The following MROH9 variants were observed in gnomAD, a reference collection of about 807,000 sequenced individuals.
MROH9 encodes the protein maestro heat like repeat family member 9, also known as maestro heat-like repeat-containing protein family member 9.
A neutral mutation model predicts 98.2 loss-of-function variants in MROH9; 92 were observed. That is an observed-to-expected ratio of 0.94 (90% CI 0.79 to 1.11). The LOEUF (loss-of-function observed/expected upper bound fraction) is 1.11. Among genes scored for constraint, MROH9 ranks in the 50% most tolerant of loss-of-function variants. The pLI is 0.00. For missense variants in MROH9, 1,057 were observed against 1,014.8 expected (o/e 1.04, Z -0.57); for synonymous variants, 397 against 368.9 (o/e 1.08, Z -0.87).
At chr1:171,052,640 C>T (rs1265612373) in intron 20 of MROH9, among the ~76,000 whole-genome samples, 2 of 152,116 alleles carry the variant, frequency 1.3e-5, no homozygotes, top group East Asian at 3.9e-4. Context: ...AAATGTGCCC[C>T]AGAAAGGAGC....
rs184989061 is a variant in MROH9 at position 171,028,441 on chromosome 1, A to G, written c.2281+3021A>G. Among the ~76,000 whole-genome samples, 5 of 152,286 alleles carry G rather than the reference A, an allele frequency of 3.3e-5. No individual in the cohort carries two copies. In the East Asian group the frequency reaches 7.7e-4, roughly 23 times the overall value. On this transcript the variant is annotated intron_variant, in intron 20 of 21. Transcript: ENST00000367759. ...TTTGATTACTGTAGCCTTGTGGTAT[A>G]GTTTGAAGCCAGGCACCACAATGCC...
chr1:171,005,827 C>G (rs971675452), intron 15 of MROH9, among the ~76,000 whole-genome samples: 2 of 152,168 alleles, frequency 1.3e-5, no homozygotes, highest in South Asian at 4.1e-4. Context: ...CACTTTTTCT[C>G]CTTACCTGCT....
intron 3 of MROH9, among the ~76,000 whole-genome samples, chr1:170,955,689 G>A (rs1649732190): frequency 6.6e-6 from 1 of 151,962 alleles, no homozygotes. Flanking sequence ...TGATTTGTTT[G>A]AATTTGTTGT....
chr1:170,949,335 T>C (rs890401547), intron 3 of MROH9, among the ~76,000 whole-genome samples: 4 of 151,902 alleles, frequency 2.6e-5, no homozygotes, highest in East Asian at 1.9e-4. Context: ...GCAGCATCCA[T>C]CTAAGACAAA....
intron 3 of MROH9, 42 bp downstream of exon 3, chr1:170,947,615 C>A (rs963733157): frequency 1.3e-6 from 2 of 1,539,266 alleles, no homozygotes; most frequent in Non-Finnish European, 1.8e-6. Context: ...ACTGAATTCT[C>A]TTGGAAAAAA....
At chr1:170,970,104 C>T (rs718345) in intron 7 of MROH9, among the ~76,000 whole-genome samples, 11,658 of 152,162 alleles carry the variant, frequency 0.077, 479 homozygotes, top group Middle Eastern at 0.14. Context: ...TCCTAACTGG[C>T]AAACAGAACA....
At chr1:171,003,635 CAGTGGAGGT>C (rs1571494792) in intron 15 of MROH9, among the ~76,000 whole-genome samples, 1 of 152,122 alleles carries the variant, frequency 6.6e-6, no homozygotes, top group East Asian at 1.9e-4. Flanking sequence ...GTGCCTATTC[CAGTGGAGGT>C]GGTGGAGGGT....
chr1:171,049,740 A>G (rs1653604383), intron 20 of MROH9, among the ~76,000 whole-genome samples: 1 of 151,308 alleles, frequency 6.6e-6, no homozygotes, highest in South Asian at 2.1e-4. Context: ...GCTGGAGGGC[A>G]GTGTGAACAC....
At chr1:170,941,609 T>C (rs868695368) in intron 1 of MROH9, among the ~76,000 whole-genome samples, 49 of 152,184 alleles carry the variant, frequency 3.2e-4, no homozygotes, top group African/African-American at 1.1e-3. Flanking sequence ...CATCTTTCCA[T>C]TGGCTGTTGA....
chr1:171,014,823 C>T (rs1355190389), intron 16 of MROH9, among the ~76,000 whole-genome samples: 4 of 152,234 alleles, frequency 2.6e-5, no homozygotes, highest in Non-Finnish European at 5.9e-5. Flanking sequence ...ATCAGCATCA[C>T]CTGGAGACTT....
chr1:171,025,771 C>G (rs918642362), intron 20 of MROH9, among the ~76,000 whole-genome samples: 13 of 152,092 alleles, frequency 8.5e-5, no homozygotes, highest in African/African-American at 2.9e-4. Flanking sequence ...TTCGACCAAA[C>G]TTGGACATCT....
intron 20 of MROH9, among the ~76,000 whole-genome samples, chr1:171,041,575 G>A (rs995208668): frequency 9.2e-5 from 14 of 151,478 alleles, no homozygotes; most frequent in East Asian, 3.9e-4. Context: ...GTTTTTCTTC[G>A]ATTAGATACC....
At chr1:171,063,042 A>T (rs1164237348) in intron 21 of MROH9, among the ~76,000 whole-genome samples, 5 of 152,070 alleles carry the variant, frequency 3.3e-5, no homozygotes, top group Non-Finnish European at 7.4e-5. Flanking sequence ...ATATTTGACT[A>T]CCTGCTAAAT....
chr1:170,953,393 C>T (rs894619005), intron 3 of MROH9, among the ~76,000 whole-genome samples: 4 of 149,746 alleles, frequency 2.7e-5, no homozygotes, highest in Admixed American at 6.7e-5. Flanking sequence ...CCATGGTTTC[C>T]GTGTTGCATC....
At position 171,047,035 on chromosome 1, in the gene MROH9, G is replaced by A. The variant is rs1653491550; in HGVS notation, c.2282-15097G>A. 2.0e-5 allele frequency among the ~76,000 whole-genome samples: 3 copies of A among 152,294 alleles called. No homozygotes were observed. The South Asian group carries it at 6.2e-4, about 32-fold the overall frequency. On this transcript the variant is annotated intron_variant, in intron 20 of 21. Transcript: ENST00000367759. ...TTCCACTAAAAGTCTGCTGCCAGATGTATTGGAGTTCCATTGTATATTATG... is the reference window on the plus strand; with the variant it reads ...TTCCACTAAAAGTCTGCTGCCAGATATATTGGAGTTCCATTGTATATTATG...
At chr1:170,939,417 G>C (rs567277570) in intron 1 of MROH9, among the ~76,000 whole-genome samples, 1 of 152,210 alleles carries the variant, frequency 6.6e-6, no homozygotes, top group South Asian at 2.1e-4. Flanking sequence ...CCAAAAGGGG[G>C]CTATAGGGAT....
At chr1:170,942,385 ACACAC>A (rs1319007740) in intron 1 of MROH9, among the ~76,000 whole-genome samples, 4 of 147,510 alleles carry the variant, frequency 2.7e-5, no homozygotes, top group African/African-American at 5.3e-5. Flanking sequence ...ACACACACAC[ACACAC>A]ACACACACAC....
At chr1:170,970,119 G>A (rs1650384035) in intron 7 of MROH9, among the ~76,000 whole-genome samples, 2 of 152,116 alleles carry the variant, frequency 1.3e-5, no homozygotes, top group Admixed American at 1.3e-4. Context: ...AGAACAGAAG[G>A]AAACCACTAG....
intron 12 of MROH9, among the ~76,000 whole-genome samples, 153 bp from the exon 13 acceptor site, chr1:170,995,236 T>C (rs1330313494): frequency 6.6e-6 from 1 of 152,180 alleles, no homozygotes; most frequent in Non-Finnish European, 1.5e-5. Context: ...TAACGGCTGT[T>C]ATTAAATGAA....
Sources: gnomAD v4.1 joint callset for allele counts (sites outside exome capture counted in the v4.1 genomes callset) on GRCh38, gnomAD v4.1.1 for gene constraint, MANE v1.5 for transcripts, NCBI Gene and HGNC (gene_info 2026-07-23, HGNC 2026-07-21) for gene names.